NARS2: variants seen among roughly 807,000 people sequenced by gnomAD.
NARS2 encodes the protein asparaginyl-tRNA synthetase 2, mitochondrial.
In NARS2, 60 loss-of-function variants were observed where a neutral mutation model predicts 62.9. That is an observed-to-expected ratio of 0.95 (90% CI 0.77 to 1.18). NARS2 has a LOEUF of 1.18. NARS2 is among the 50% of genes most tolerant of loss of function. The pLI is 0.00. For missense variants in NARS2, 619 were observed against 576.4 expected, an observed-to-expected ratio of 1.07 and a Z score of -0.76; for synonymous variants, 196 against 200.0, an observed-to-expected ratio of 0.98 and a Z score of 0.17.
At chr11:78,523,384 C>T (rs1333884257) in intron 6 of NARS2, among the ~76,000 whole-genome samples, 1 of 152,146 alleles carries the variant, frequency 6.6e-6, no homozygotes, top group African/African-American at 2.4e-5. Flanking sequence ...GTAAAATGGT[C>T]CAGCCTCTGT....
At position 78,574,483 on chromosome 11, in the gene NARS2, C is replaced by T. The variant is rs371799787; in HGVS notation, c.6G>A (p.Leu2=). The T allele has an allele frequency of 2.5e-6, 4 of 1,610,812 alleles. No homozygotes were observed. The highest frequency in any genetic ancestry group is 1.3e-5 in the African/African-American group (1 of 74,858). M[L]GVRCLLRSVR... ...CGGACCGCAGCAGGCAGCGGACCCC[C>T]AGCATCCCGCGTCCGCCCAGGCCCT... The change falls in exon 1 of 14, where the codon CTG becomes CTA. Residue 2 remains leucine, a synonymous_variant. Transcript: ENST00000281038.
chr11:78,487,866 TA>T (rs1181907356), intron 7 of NARS2, among the ~76,000 whole-genome samples: 1 of 152,064 alleles, frequency 6.6e-6, no homozygotes, highest in Non-Finnish European at 1.5e-5. Flanking sequence ...GAAATGACAG[TA>T]AAATGAAAAA....
intron 11 of NARS2, among the ~76,000 whole-genome samples, chr11:78,458,734 T>C (rs1450284585): frequency 6.6e-6 from 1 of 152,222 alleles, no homozygotes; most frequent in Non-Finnish European, 1.5e-5. Context: ...ACACTAGGAA[T>C]ATACCGATGA....
intron 6 of NARS2, among the ~76,000 whole-genome samples, chr11:78,498,003 C>G (rs1860130731): frequency 6.6e-6 from 1 of 152,144 alleles, no homozygotes; most frequent in African/African-American, 2.4e-5. Flanking sequence ...CCAAGTTTGA[C>G]AGAGTCTGAC....
At position 78,452,257 on chromosome 11, in the gene NARS2, G is replaced by A. The variant is rs1043389854; in HGVS notation, c.1165-8499C>T. 4.0e-5 allele frequency among the ~76,000 whole-genome samples: 6 copies of A among 151,858 alleles called. No individual in the cohort carries two copies. The East Asian group carries it at 5.8e-4, about 15-fold the overall frequency. On this transcript the variant is annotated intron_variant, in intron 11 of 13. Coordinates refer to ENST00000281038, the MANE Select transcript of NARS2 (RefSeq NM_024678.6). The stretch of plus-strand genomic sequence containing the variant: ...CGAGTAGCTGGGACTACAGGAGCTC[G>A]CCACCATGCTCAGCTAATTTTTTAT...
At chr11:78,520,663 G>A (rs960347096) in intron 6 of NARS2, among the ~76,000 whole-genome samples, 4 of 152,064 alleles carry the variant, frequency 2.6e-5, no homozygotes, top group African/African-American at 9.7e-5. Flanking sequence ...GGGTTTTGGT[G>A]TTATTTTTCC....
chr11:78,505,971 T>C (rs1181410940), intron 6 of NARS2, among the ~76,000 whole-genome samples: 1 of 152,176 alleles, frequency 6.6e-6, no homozygotes, highest in African/African-American at 2.4e-5. Context: ...AAAGGGCTTG[T>C]ATCCAGAATA....
intron 6 of NARS2, among the ~76,000 whole-genome samples, chr11:78,510,525 C>G (rs1048414454): frequency 3.9e-5 from 6 of 152,050 alleles, no homozygotes; most frequent in Admixed American, 1.3e-4. Context: ...CTATTGGAAA[C>G]CTCTCAATAA....
chr11:78,563,766 G>A (rs1856630761), intron 4 of NARS2, among the ~76,000 whole-genome samples: 1 of 137,880 alleles, frequency 7.3e-6, no homozygotes, highest in African/African-American at 2.7e-5. Flanking sequence ...AGGAGGCGGA[G>A]GTTGCAGTGA....
chr11:78,510,949 C>T (rs778358707), intron 6 of NARS2, among the ~76,000 whole-genome samples: 2 of 152,054 alleles, frequency 1.3e-5, no homozygotes, highest in Non-Finnish European at 2.9e-5. Context: ...TCTAAAAAAA[C>T]GAAAATCTAA....
intron 6 of NARS2, among the ~76,000 whole-genome samples, chr11:78,519,876 G>C (rs939187705): frequency 6.6e-6 from 1 of 151,860 alleles, no homozygotes; most frequent in Non-Finnish European, 1.5e-5. Context: ...AATTTTTTTA[G>C]TAGAGACGGG....
intron 7 of NARS2, among the ~76,000 whole-genome samples, chr11:78,483,879 G>GA (rs370652243): frequency 0.016 from 2,459 of 152,188 alleles, 57 homozygotes; most frequent in African/African-American, 0.056. Context: ...TTCAGAATTA[G>GA]AAAAAACTAC....
chr11:78,502,386 AG>A (rs1296229435), intron 6 of NARS2, among the ~76,000 whole-genome samples: 1 of 152,208 alleles, frequency 6.6e-6, no homozygotes, highest in African/African-American at 2.4e-5. Context: ...TTTGTGCACA[AG>A]CACCCCTGGT....
At chr11:78,533,326 T>A (rs1458687296) in intron 5 of NARS2, 10 of 152,226 alleles carry the variant, frequency 6.6e-5, no homozygotes. Flanking sequence ...TTTGTTATTC[T>A]CTTATTCCAT....
At chr11:78,451,938 C>T (rs17136630) in intron 11 of NARS2, among the ~76,000 whole-genome samples, 4,686 of 152,134 alleles carry the variant, frequency 0.031, 220 homozygotes, top group African/African-American at 0.11. Flanking sequence ...TCCAAATAGC[C>T]GGACTCTAGA....
Position 78,493,051 on chromosome 11 carries a change from T to C in NARS2, c.822+12A>G, listed in dbSNP as rs373347223. ...TCACAGATACCTGGTATTTTAAAAC[T>C]TGTGTACCTACCTGCATAAGATCTT... On this transcript the variant is annotated intron_variant, in intron 7 of 13. Transcript: ENST00000281038. The C allele has an allele frequency of 1.6e-4, 253 of 1,599,316 alleles. No individual in the cohort carries two copies. Among genetic ancestry groups the C allele is most frequent in the Non-Finnish European group, 2.0e-4 (237 of 1,174,322 alleles).
At chr11:78,474,616 G>C (rs534805178) in intron 9 of NARS2, among the ~76,000 whole-genome samples, 12 of 152,230 alleles carry the variant, frequency 7.9e-5, no homozygotes, top group African/African-American at 2.9e-4. Context: ...TACAGCCACA[G>C]TTACTCAAGT....
chr11:78,556,143 TA>T (rs1309133432), intron 5 of NARS2, among the ~76,000 whole-genome samples: 1 of 151,990 alleles, frequency 6.6e-6, no homozygotes, highest in Non-Finnish European at 1.5e-5. Context: ...AAGAAGAATG[TA>T]TATTGTCTAT....
rs1051838837 is a variant in NARS2 at position 78,540,238 on chromosome 11, G to A, written c.595-11302C>T. On this transcript the variant is annotated intron_variant, in intron 5 of 13. Coordinates refer to ENST00000281038, the MANE Select transcript of NARS2 (RefSeq NM_024678.6). The stretch of plus-strand genomic sequence containing the variant: ...TATCCCAGTGAATTTCTTACCACAC[G>A]GATCTAAAATCCTCCCTGTTTCTTT... Among the ~76,000 whole-genome samples, 8 of 152,114 alleles carry A rather than the reference G, an allele frequency of 5.3e-5. No individual in the cohort carries two copies. In the South Asian group the frequency reaches 1.2e-3, roughly 24 times the overall value.
Sources: gnomAD v4.1 joint callset for allele counts (sites outside exome capture counted in the v4.1 genomes callset) on GRCh38, gnomAD v4.1.1 for gene constraint, MANE v1.5 for transcripts, NCBI Gene and HGNC (gene_info 2026-07-23, HGNC 2026-07-21) for gene names.